The following TTLL9 variants were observed in gnomAD, a reference collection of about 807,000 sequenced individuals.
The protein encoded by TTLL9 is tubulin tyrosine ligase like 9.
A neutral mutation model predicts 65.6 loss-of-function variants in TTLL9; 47 were observed. The observed-to-expected ratio is 0.72, with a 90% CI of 0.57 to 0.91. The LOEUF (loss-of-function observed/expected upper bound fraction) is 0.91. Ranked by LOEUF, TTLL9 falls within the 40% of genes least tolerant of loss-of-function variation. The pLI is 0.00. For synonymous variants in TTLL9, 179 were observed against 204.8 expected, an observed-to-expected ratio of 0.87 and a Z score of 1.07; for missense variants, 537 against 568.8, an observed-to-expected ratio of 0.94 and a Z score of 0.57.
At chr20:31,888,565 G>A (rs918765731) in intron 3 of TTLL9, among the ~76,000 whole-genome samples, 13 of 151,994 alleles carry the variant, frequency 8.6e-5, no homozygotes, top group African/African-American at 2.2e-4. Flanking sequence ...TCTGCCTCCT[G>A]GGTTCAAGCG....
At chr20:31,917,086 T>C (rs776158977) in intron 6 of TTLL9, among the ~76,000 whole-genome samples, 4 of 152,148 alleles carry the variant, frequency 2.6e-5, no homozygotes, top group Non-Finnish European at 4.4e-5. Context: ...TACCGTTTAA[T>C]TGAAGTTTAA....
chr20:31,895,100 G>A (rs1444063319), intron 3 of TTLL9, among the ~76,000 whole-genome samples: 1 of 152,188 alleles, frequency 6.6e-6, no homozygotes, highest in Non-Finnish European at 1.5e-5. Context: ...ACAAGAAGTA[G>A]AACTGCAATC....
At chr20:31,915,224 G>A (rs558833676) in intron 6 of TTLL9, among the ~76,000 whole-genome samples, 10 of 152,344 alleles carry the variant, frequency 6.6e-5, no homozygotes, top group South Asian at 4.1e-4. Flanking sequence ...GCTCACGCCT[G>A]TAATCCCAGC....
intron 3 of TTLL9, among the ~76,000 whole-genome samples, chr20:31,894,857 C>CT (rs757476754): frequency 5.9e-5 from 9 of 152,090 alleles, no homozygotes; most frequent in Non-Finnish European, 1.3e-4. Context: ...TGGGCTGCAG[C>CT]TTTAATTAAA....
chr20:31,934,546 T>C, intron 11 of TTLL9, 146 bp from the exon 12 acceptor site: 1 of 747,240 alleles, frequency 1.3e-6, no homozygotes, highest in Non-Finnish European at 2.2e-6. Flanking sequence ...GGGGCACACC[T>C]GGGGTCATCC....
chr20:31,939,501 T>C (rs1225084437), intron 14 of TTLL9: 1 of 374,128 alleles, frequency 2.7e-6, no homozygotes, highest in African/African-American at 2.1e-5. Flanking sequence ...TGTAGAATAT[T>C]TGAAAACTAG....
intron 6 of TTLL9, among the ~76,000 whole-genome samples, chr20:31,915,219 C>T (rs2063716273): frequency 6.6e-6 from 1 of 152,174 alleles, no homozygotes; most frequent in African/African-American, 2.4e-5. Flanking sequence ...CGGTGGCTCA[C>T]GCCTGTAATC....
chr20:31,910,035 C>G, intron 6 of TTLL9, 113 bp downstream of exon 6: 1 of 1,063,404 alleles, frequency 9.4e-7, no homozygotes, highest in East Asian at 2.6e-5. Context: ...TCTGCCTTCC[C>G]GAAGGGCCAG....
intron 12 of TTLL9, 29 bp downstream of exon 12, chr20:31,934,917 G>T (rs1295129509): frequency 6.3e-7 from 1 of 1,592,690 alleles, no homozygotes; most frequent in Non-Finnish European, 8.6e-7. Flanking sequence ...GAGCCAGGAG[G>T]TCATAGTTTG....
chr20:31,924,884 T>G, intron 8 of TTLL9, 125 bp from the exon 9 acceptor site: 1 of 1,044,704 alleles, frequency 9.6e-7, no homozygotes, highest in Non-Finnish European at 1.5e-6. Flanking sequence ...GCCCCTTGTG[T>G]AGTTTCAGCA....
At chr20:31,887,481 A>G (rs1312519247) in intron 3 of TTLL9, among the ~76,000 whole-genome samples, 1 of 152,302 alleles carries the variant, frequency 6.6e-6, no homozygotes, top group African/African-American at 2.4e-5. Flanking sequence ...TATTGTGTCC[A>G]TTTTACAGAT....
At chr20:31,926,802 G>A (rs544689186) in intron 10 of TTLL9, among the ~76,000 whole-genome samples, 3 of 152,226 alleles carry the variant, frequency 2.0e-5, no homozygotes, top group African/African-American at 4.8e-5. Context: ...GTATGTTCTC[G>A]TTCATGTTAA....
chr20:31,883,347 G>T (rs539149197), intron 2 of TTLL9, among the ~76,000 whole-genome samples: 1 of 151,970 alleles, frequency 6.6e-6, no homozygotes, highest in South Asian at 2.1e-4. Flanking sequence ...ACAGTTCCTC[G>T]CCACCATGCC....
intron 2 of TTLL9, among the ~76,000 whole-genome samples, chr20:31,872,432 T>A (rs1471473569): frequency 6.6e-6 from 1 of 151,786 alleles, no homozygotes; most frequent in Non-Finnish European, 1.5e-5. Flanking sequence ...ATCCCAGAAC[T>A]TTGGGAGGCC....
chr20:31,897,169 T>G (rs2063399543), intron 3 of TTLL9, among the ~76,000 whole-genome samples: 2 of 152,214 alleles, frequency 1.3e-5, no homozygotes, highest in South Asian at 4.1e-4. Context: ...GATTTCTTTT[T>G]TGGGAGGTTT....
chr20:31,908,471 T>C, intron 4 of TTLL9, 120 bp from the exon 5 acceptor site: 1 of 676,340 alleles, frequency 1.5e-6, no homozygotes, highest in Non-Finnish European at 2.7e-6. Flanking sequence ...TCCAAGAGAC[T>C]CTAGAGGGAC....
intron 14 of TTLL9, 140 bp from the exon 15 acceptor site, chr20:31,942,805 G>T: frequency 1.3e-6 from 1 of 775,808 alleles, no homozygotes. Context: ...GTTTAGGAAT[G>T]GAGCCAGGAT....
chr20:31,903,226 T>G (rs1428801723), intron 4 of TTLL9, among the ~76,000 whole-genome samples: 1 of 152,166 alleles, frequency 6.6e-6, no homozygotes, highest in Non-Finnish European at 1.5e-5. Context: ...TGGTTTTGAT[T>G]TGCATTTCCC....
chr20:31,905,429 G>A (rs2063540462), intron 4 of TTLL9, among the ~76,000 whole-genome samples: 1 of 152,126 alleles, frequency 6.6e-6, no homozygotes, highest in African/African-American at 2.4e-5. Context: ...CCGTTCTTCC[G>A]AACCACTGTG....
Sources: gnomAD v4.1 joint callset for allele counts (sites outside exome capture counted in the v4.1 genomes callset) on GRCh38, gnomAD v4.1.1 for gene constraint, MANE v1.5 for transcripts, NCBI Gene and HGNC (gene_info 2026-07-23, HGNC 2026-07-21) for gene names.